Variants in CAMTA1 observed in about 807,000 individuals in gnomAD.
CAMTA1 encodes calmodulin binding transcription activator 1.
A neutral mutation model predicts 170.9 loss-of-function variants in CAMTA1; 27 were observed. That is an observed-to-expected ratio of 0.16 (90% CI 0.12 to 0.22). The LOEUF (loss-of-function observed/expected upper bound fraction) is 0.22, where lower values mean the gene tolerates loss of function less well. Among genes scored for constraint, CAMTA1 ranks in the 10% least tolerant of loss-of-function variants. The probability of loss-of-function intolerance (pLI) is 1.00; values close to 1 mark genes in which losing one functional copy is unlikely to be tolerated. For synonymous variants in CAMTA1, 833 were observed against 891.5 expected (o/e 0.93, Z 1.17); for missense variants, 1,619 against 2,217.2 (o/e 0.73, Z 5.42).
intron 11 of CAMTA1, among the ~76,000 whole-genome samples, chr1:7,723,456 A>G (rs552651134): frequency 1.4e-4 from 22 of 152,316 alleles, no homozygotes; most frequent in East Asian, 1.2e-3. Context: ...ATAAATAAGG[A>G]CAAATCTTCC....
At chr1:7,011,024 C>T (rs990042803) in intron 3 of CAMTA1, among the ~76,000 whole-genome samples, 28 of 152,290 alleles carry the variant, frequency 1.8e-4, no homozygotes, top group African/African-American at 6.5e-4. Flanking sequence ...CAAACATCCC[C>T]ACAGCGGTCC....
intron 5 of CAMTA1, among the ~76,000 whole-genome samples, chr1:7,320,988 T>C (rs2149683367): frequency 6.6e-6 from 1 of 152,284 alleles, no homozygotes; most frequent in Non-Finnish European, 1.5e-5. Context: ...CTCAAAATAC[T>C]TGGGTCTTTC....
At chr1:7,751,719 G>GAA (rs35029804) in intron 20 of CAMTA1, among the ~76,000 whole-genome samples, 2,934 of 144,850 alleles carry the variant, frequency 0.02, 64 homozygotes, top group Non-Finnish European at 0.029. Context: ...TCCTGTTTAG[G>GAA]AAAAAAAAAA....
In CAMTA1 at chr1:7,345,940, G is replaced by A. The variant is rs2084187599; in HGVS notation, c.438+96314G>A. Among the ~76,000 whole-genome samples the A allele has an allele frequency of 2.0e-5, 3 of 152,356 alleles. No individual in the cohort carries two copies. The South Asian group carries it at 6.2e-4, about 32-fold the overall frequency. On this transcript the variant is annotated intron_variant, in intron 5 of 22. Coordinates refer to ENST00000303635, the MANE Select transcript of CAMTA1 (RefSeq NM_015215.4). ...TCAGGACTGCTGAATCTGAGGAGGT[G>A]TTTTGGGGTACAGGGAAACCCTCTG...
chr1:7,536,975 C>G (rs183900442), intron 6 of CAMTA1, among the ~76,000 whole-genome samples: 1 of 152,288 alleles, frequency 6.6e-6, no homozygotes, highest in East Asian at 1.9e-4. Context: ...AAGACATCAC[C>G]TGCTCCAGAG....
rs540715348 is a variant in CAMTA1, at chr1:7,246,371, G to A, written c.303-3120G>A. Among the ~76,000 whole-genome samples, 32 of 152,218 alleles carry A rather than the reference G, an allele frequency of 2.1e-4. No individual in the cohort carries two copies. In the South Asian group the frequency reaches 4.6e-3, roughly 22 times the overall value. ...TAGATGATACAGACACGCAAGTGGCGTGCCCCACTGGTACCGGGCACACAG... is the reference window on the plus strand; with the variant it reads ...TAGATGATACAGACACGCAAGTGGCATGCCCCACTGGTACCGGGCACACAG... On this transcript the variant is annotated intron_variant, in intron 4 of 22. Transcript: ENST00000303635.
In CAMTA1 at chr1:7,664,334, C is replaced by G. The variant is rs200089323; in HGVS notation, c.1787C>G (p.Thr596Arg). ...GCCATCGACTCCAACAAGGACTACACGTCCAGCTTCAGCCAGACGGGCCAC... is the reference window on the plus strand; with the variant it reads ...GCCATCGACTCCAACAAGGACTACAGGTCCAGCTTCAGCCAGACGGGCCAC... ...FSAIDSNKDYTSSFSQTGHSP... is the reference protein window; with the variant it reads ...FSAIDSNKDYRSSFSQTGHSP... Residue 596 changes from threonine to arginine, a missense_variant, in exon 9 of 23, where the codon ACG becomes AGG. This residue lies in a region of CAMTA1 where 731 missense variants were observed against 907.6 expected (regional missense o/e 0.81). Coordinates refer to ENST00000303635, the MANE Select transcript of CAMTA1 (RefSeq NM_015215.4). The G allele has an allele frequency of 8.7e-6, 14 of 1,613,536 alleles. No homozygotes were observed. Among genetic ancestry groups the G allele is most frequent in the Non-Finnish European group, 1.0e-5 (12 of 1,180,012 alleles).
At chr1:7,354,971 G>C (rs74423901) in intron 5 of CAMTA1, among the ~76,000 whole-genome samples, 3,894 of 152,082 alleles carry the variant, frequency 0.026, 107 homozygotes, top group African/African-American at 0.066. Context: ...GAAGGCTGAG[G>C]GGGGTGGATT....
intron 3 of CAMTA1, among the ~76,000 whole-genome samples, chr1:6,860,192 A>G (rs944498201): frequency 1.3e-5 from 2 of 152,178 alleles, no homozygotes; most frequent in Non-Finnish European, 2.9e-5. Context: ...CCTATGAGTC[A>G]TGCTCCCAAA....
intron 5 of CAMTA1, among the ~76,000 whole-genome samples, chr1:7,398,148 AAT>A (rs1332781857): frequency 1.1e-5 from 1 of 92,390 alleles, no homozygotes; most frequent in African/African-American, 3.9e-5. Flanking sequence ...TAGATATAAT[AAT>A]ATTGCTCTCT....
At chr1:7,108,680 G>C (rs2148350629) in intron 4 of CAMTA1, among the ~76,000 whole-genome samples, 1 of 152,360 alleles carries the variant, frequency 6.6e-6, no homozygotes, top group East Asian at 1.9e-4. Context: ...GGGAAGCCAA[G>C]CTAAGAGCCC....
chr1:7,286,093 C>CA lies in CAMTA1; in HGVS notation c.438+36468dup, dbSNP rs1557442673. ...TGCCAGATTCTGAAGACTCAGGGAC[C>CA]AGCGCCACATGGTCTCTGTTCTTGA... On this transcript the variant is annotated intron_variant, in intron 5 of 22. Transcript: ENST00000303635. This position sits in a 1 kb window ranked among gnomAD's most constrained non-coding sequence, Gnocchi z 4.2. 2.6e-5 allele frequency among the ~76,000 whole-genome samples: 4 copies of CA among 152,308 alleles called. No individual in the cohort carries two copies. The South Asian group carries it at 8.3e-4, about 32-fold the overall frequency.
At chr1:7,185,853 A>G (rs1186854372) in intron 4 of CAMTA1, among the ~76,000 whole-genome samples, 1 of 152,220 alleles carries the variant, frequency 6.6e-6, no homozygotes, top group Non-Finnish European at 1.5e-5. Context: ...TCATGGAAGA[A>G]CTGTTCCACA....
intron 5 of CAMTA1, among the ~76,000 whole-genome samples, chr1:7,361,139 T>C (rs1405376002): frequency 6.6e-6 from 1 of 152,202 alleles, no homozygotes; most frequent in Non-Finnish European, 1.5e-5. Flanking sequence ...GGCAACAAAA[T>C]AGGAGTGGCG....
chr1:7,447,649 A>G (rs1363085644), intron 5 of CAMTA1, among the ~76,000 whole-genome samples: 3 of 152,232 alleles, frequency 2.0e-5, no homozygotes, highest in Non-Finnish European at 2.9e-5. Context: ...AGGGACTCAG[A>G]GCAGCCCTGC....
chr1:7,396,216 C>G (rs903858396), intron 5 of CAMTA1, among the ~76,000 whole-genome samples: 1 of 152,152 alleles, frequency 6.6e-6, no homozygotes, highest in Non-Finnish European at 1.5e-5. Context: ...CTGGCACATT[C>G]CCTCACACCT....
chr1:6,878,223 C>G (rs1670483061), intron 3 of CAMTA1, among the ~76,000 whole-genome samples: 1 of 152,202 alleles, frequency 6.6e-6, no homozygotes, highest in Non-Finnish European at 1.5e-5. Context: ...TAACCATAAT[C>G]TAATTTTGGT....
intron 4 of CAMTA1, among the ~76,000 whole-genome samples, chr1:7,200,607 C>T (rs1301753863): frequency 1.3e-5 from 2 of 152,086 alleles, no homozygotes; most frequent in Non-Finnish European, 2.9e-5. Context: ...GCAGCATGTC[C>T]CTCAGTTCTG....
intron 1 of CAMTA1, among the ~76,000 whole-genome samples, chr1:6,813,862 G>A (rs1225851339): frequency 6.6e-6 from 1 of 152,140 alleles, no homozygotes; most frequent in East Asian, 1.9e-4. Flanking sequence ...GTGGCAATTC[G>A]GTGGCCTTAT....
Sources: allele counts gnomAD v4.1 joint callset (sites outside exome capture counted in the v4.1 genomes callset), GRCh38; gene constraint gnomAD v4.1.1; regional missense constraint gnomAD v4.1.1; non-coding constraint Gnocchi (gnomAD v3.1); transcripts MANE v1.5; gene names NCBI Gene and HGNC (gene_info 2026-07-23, HGNC 2026-07-21).